NARS2: variants seen among roughly 807,000 people sequenced by gnomAD.
NARS2 encodes the protein asparaginyl-tRNA synthetase.
A neutral mutation model predicts 62.9 loss-of-function variants in NARS2; 60 were observed. The observed-to-expected ratio is 0.95, with a 90% confidence interval of 0.77 to 1.18. The LOEUF is 1.18. Among genes scored for constraint, NARS2 ranks in the 50% most tolerant of loss-of-function variants. NARS2 has a pLI of 0.00. For synonymous variants in NARS2, 196 were observed against 200.0 expected (o/e 0.98, Z 0.17); for missense variants, 619 against 576.4 (o/e 1.07, Z -0.76).
At chr11:78,437,200 T>G (rs1376307766) in intron 13 of NARS2, among the ~76,000 whole-genome samples, 1 of 152,234 alleles carries the variant, frequency 6.6e-6, no homozygotes, top group Non-Finnish European at 1.5e-5. Context: ...TTTCTTTTCC[T>G]TCCCAAAATC....
chr11:78,539,343 G>A (rs181261939), intron 5 of NARS2, among the ~76,000 whole-genome samples: 86 of 152,242 alleles, frequency 5.6e-4, no homozygotes, highest in Non-Finnish European at 8.8e-4. Flanking sequence ...TTAGATGTGA[G>A]GTTTGGGGAG....
chr11:78,545,951 T>C (rs1225555328), intron 5 of NARS2, among the ~76,000 whole-genome samples: 1 of 152,206 alleles, frequency 6.6e-6, no homozygotes, highest in Non-Finnish European at 1.5e-5. Flanking sequence ...GCAATACAAA[T>C]CACCATCTGT....
intron 11 of NARS2, among the ~76,000 whole-genome samples, chr11:78,457,614 C>CT (rs1285490948): frequency 1.3e-5 from 2 of 152,208 alleles, no homozygotes; most frequent in African/African-American, 4.8e-5. Flanking sequence ...GCTATATACT[C>CT]TAGTACTGCA....
chr11:78,438,683 C>T (rs1857485551), intron 13 of NARS2, among the ~76,000 whole-genome samples: 1 of 152,082 alleles, frequency 6.6e-6, no homozygotes, highest in Non-Finnish European at 1.5e-5. Flanking sequence ...AAATTGGTTC[C>T]AGGGTAGCGA....
At chr11:78,534,063 C>T (rs1861578150) in intron 5 of NARS2, among the ~76,000 whole-genome samples, 1 of 152,112 alleles carries the variant, frequency 6.6e-6, no homozygotes, top group South Asian at 2.1e-4. Context: ...TAATAAAAGG[C>T]ATCTTGGTTG....
chr11:78,519,595 T>G (rs181623535), intron 6 of NARS2, among the ~76,000 whole-genome samples: 66 of 152,266 alleles, frequency 4.3e-4, no homozygotes, highest in African/African-American at 1.6e-3. Context: ...TGTAAAGACT[T>G]ATGATCAATC....
chr11:78,547,921 T>C (rs1855943515), intron 5 of NARS2, among the ~76,000 whole-genome samples: 1 of 152,004 alleles, frequency 6.6e-6, no homozygotes, highest in Non-Finnish European at 1.5e-5. Flanking sequence ...AACTGAATGT[T>C]AAAACAGGCT....
intron 6 of NARS2, among the ~76,000 whole-genome samples, chr11:78,509,328 C>A (rs1011835318): frequency 2.0e-5 from 3 of 152,012 alleles, no homozygotes; most frequent in Non-Finnish European, 4.4e-5. Context: ...GCAAGAAATG[C>A]TCAAGGTGGT....
intron 6 of NARS2, among the ~76,000 whole-genome samples, chr11:78,504,035 C>T (rs1047239632): frequency 6.6e-6 from 1 of 152,218 alleles, no homozygotes; most frequent in Admixed American, 6.5e-5. Flanking sequence ...CAACCCTCCA[C>T]AGCTATATAG....
intron 13 of NARS2, among the ~76,000 whole-genome samples, chr11:78,437,669 A>G (rs1344464907): frequency 6.6e-6 from 1 of 152,154 alleles, no homozygotes; most frequent in Non-Finnish European, 1.5e-5. Context: ...CTTGAGTTAT[A>G]TAATATTGAT....
At position 78,495,998 on chromosome 11, in the gene NARS2, T is replaced by C. The variant is rs998805518; in HGVS notation, c.690-2803A>G. On this transcript the variant is annotated intron_variant, in intron 6 of 13. Transcript: ENST00000281038. ...TGGCAATGCAGGGCAAGGTCTCTAG[T>C]ATAAAATACAGAAGAGGCTCAATAA... Among the ~76,000 whole-genome samples, 20 of 152,152 alleles carry C rather than the reference T, an allele frequency of 1.3e-4. 1 individual carries two copies. Among genetic ancestry groups the C allele is most frequent in the Non-Finnish European group, 2.2e-4 (15 of 68,012 alleles).
At chr11:78,560,351 T>A (rs867298967) in intron 4 of NARS2, among the ~76,000 whole-genome samples, 2 of 152,224 alleles carry the variant, frequency 1.3e-5, no homozygotes, top group Admixed American at 1.3e-4. Flanking sequence ...AGTCTGAGAC[T>A]ATTTCCATTA....
chr11:78,572,158 G>C (rs1234177570), intron 1 of NARS2, among the ~76,000 whole-genome samples: 1 of 151,978 alleles, frequency 6.6e-6, no homozygotes, highest in African/African-American at 2.4e-5. Flanking sequence ...CTCCAGCCTG[G>C]GTGACAGAGC....
At chr11:78,436,901 G>T in intron 13 of NARS2, 87 bp from the exon 14 acceptor site, 1 of 1,363,510 alleles carries the variant, frequency 7.3e-7, no homozygotes, top group East Asian at 2.3e-5. Context: ...AACGTATTTT[G>T]CAATCATTTG....
chr11:78,551,391 A>G (rs994650691), intron 5 of NARS2, among the ~76,000 whole-genome samples: 5 of 152,220 alleles, frequency 3.3e-5, no homozygotes, highest in African/African-American at 7.2e-5. Flanking sequence ...GTATGTAAAC[A>G]TATCTAAATA....
intron 6 of NARS2, among the ~76,000 whole-genome samples, chr11:78,511,773 G>C (rs1860732517): frequency 6.6e-6 from 1 of 151,616 alleles, no homozygotes; most frequent in South Asian, 2.1e-4. Context: ...TATTTAAAAC[G>C]ATGTATTTTA....
intron 5 of NARS2, among the ~76,000 whole-genome samples, chr11:78,532,721 T>C (rs1046424860): frequency 1.3e-5 from 2 of 152,226 alleles, no homozygotes; most frequent in Non-Finnish European, 2.9e-5. Flanking sequence ...TTGTTATAGA[T>C]TAACATCCTT....
At chr11:78,495,574 CTAAGA>C (rs1210144634) in intron 6 of NARS2, among the ~76,000 whole-genome samples, 1 of 151,970 alleles carries the variant, frequency 6.6e-6, no homozygotes, top group Non-Finnish European at 1.5e-5. Flanking sequence ...TCTCTAGTGC[CTAAGA>C]TAAAACAGGT....
At chr11:78,509,576 G>A (rs1231568957) in intron 6 of NARS2, among the ~76,000 whole-genome samples, 1 of 151,898 alleles carries the variant, frequency 6.6e-6, no homozygotes, top group African/African-American at 2.4e-5. Flanking sequence ...GCAAATTTTG[G>A]TTGTAAATCC....
Sources: allele counts gnomAD v4.1 joint callset (sites outside exome capture counted in the v4.1 genomes callset), GRCh38; gene constraint gnomAD v4.1.1; transcripts MANE v1.5; gene names NCBI Gene and HGNC (gene_info 2026-07-23, HGNC 2026-07-21).